ASIC2: variants seen among roughly 807,000 people sequenced by gnomAD.
ASIC2 encodes acid sensing ion channel subunit 2, also known as acid-sensing ion channel 2.
In ASIC2, 25 loss-of-function variants were observed where a neutral mutation model predicts 57.3. The ratio of observed to expected loss-of-function variants is 0.44; its 90% CI spans 0.32 to 0.61. The LOEUF is 0.61. Among genes scored for constraint, ASIC2 ranks in the 20% least tolerant of loss-of-function variants. The pLI, the probability that ASIC2 is intolerant of heterozygous loss-of-function variation, is 0.06. For synonymous variants in ASIC2, 319 were observed against 307.5 expected (o/e 1.04, Z -0.39); for missense variants, 641 against 738.1 (o/e 0.87, Z 1.52).
chr17:33,523,401 C>G (rs1398072637), intron 1 of ASIC2, among the ~76,000 whole-genome samples: 1 of 152,128 alleles, frequency 6.6e-6, no homozygotes, highest in Admixed American at 6.5e-5. Context: ...GAATTACAGG[C>G]ACCTACCACC....
In ASIC2 at chr17:34,156,476, G is replaced by T; in HGVS notation, c.57C>A (p.Ile19=). ...CATGGAGGGTGGAGGTGTTGGCAAA[G>T]ATCTGGATGCTAGAAGGTTGCAGGC... Residue 19 remains isoleucine, a synonymous_variant, in exon 1 of 10, where the codon ATC becomes ATA. Transcript: ENST00000359872. This position sits in a 1 kb window ranked among gnomAD's most constrained non-coding sequence, Gnocchi z 4.4. 6.2e-7 allele frequency: 1 copy of T among 1,613,694 alleles called. No homozygotes were observed. Among genetic ancestry groups the T allele is most frequent in the Non-Finnish European group, 8.5e-7 (1 of 1,179,712 alleles).
intron 1 of ASIC2, among the ~76,000 whole-genome samples, chr17:33,400,101 A>C (rs921217000): frequency 2.0e-5 from 3 of 152,184 alleles, no homozygotes; most frequent in Non-Finnish European, 4.4e-5. Flanking sequence ...GTCTGGGTTA[A>C]AACTGCAAAC....
chr17:33,625,833 A>T (rs1040057916), intron 1 of ASIC2, among the ~76,000 whole-genome samples: 1 of 152,242 alleles, frequency 6.6e-6, no homozygotes, highest in African/African-American at 2.4e-5. Context: ...CAGACGCTTC[A>T]TGAGTATCTT....
chr17:33,815,674 A>G (rs972580701), intron 1 of ASIC2, among the ~76,000 whole-genome samples: 1 of 152,190 alleles, frequency 6.6e-6, no homozygotes, highest in African/African-American at 2.4e-5. Flanking sequence ...TAATGACTGG[A>G]TACCAGCTTA....
At chr17:33,552,082 C>T (rs180968400) in intron 1 of ASIC2, among the ~76,000 whole-genome samples, 118 of 152,336 alleles carry the variant, frequency 7.7e-4, no homozygotes, top group Non-Finnish European at 7.3e-4. Flanking sequence ...CACCGCTTCC[C>T]GGTAGCCTCT....
At chr17:33,809,701 G>A (rs1339651975) in intron 1 of ASIC2, among the ~76,000 whole-genome samples, 2 of 152,168 alleles carry the variant, frequency 1.3e-5, no homozygotes, top group East Asian at 3.9e-4. Context: ...TATAAATGGT[G>A]TGTTTATCTT....
At chr17:33,631,920 A>C (rs1026220181) in intron 1 of ASIC2, among the ~76,000 whole-genome samples, 16 of 152,178 alleles carry the variant, frequency 1.1e-4, no homozygotes, top group Non-Finnish European at 1.9e-4. Flanking sequence ...GTCTCTTCCA[A>C]GTCTGAGATT....
chr17:33,810,874 TACACACAC>T (rs34187408), intron 1 of ASIC2, among the ~76,000 whole-genome samples: 1 of 149,896 alleles, frequency 6.7e-6, no homozygotes, highest in Non-Finnish European at 1.5e-5. Context: ...CACACACACA[TACACACAC>T]ACACACACAC....
chr17:33,495,385 G>A (rs1913895389), intron 1 of ASIC2, among the ~76,000 whole-genome samples: 1 of 152,180 alleles, frequency 6.6e-6, no homozygotes, highest in African/African-American at 2.4e-5. Context: ...CCATGTCCAA[G>A]TGCCATGGCC....
chr17:33,269,556 T>G (rs1417275106), intron 1 of ASIC2, among the ~76,000 whole-genome samples: 2 of 152,238 alleles, frequency 1.3e-5, no homozygotes, highest in South Asian at 4.1e-4. Context: ...GCCAGCTGTG[T>G]ATTGAACACC....
intron 6 of ASIC2, among the ~76,000 whole-genome samples, chr17:33,022,819 TA>T (rs755183585): frequency 6.6e-6 from 1 of 152,184 alleles, no homozygotes; most frequent in Non-Finnish European, 1.5e-5. Context: ...ACAACATGAA[TA>T]TGTAATTACA....
At chr17:33,959,213 T>C (rs1242156238) in intron 1 of ASIC2, among the ~76,000 whole-genome samples, 1 of 152,210 alleles carries the variant, frequency 6.6e-6, no homozygotes, top group Non-Finnish European at 1.5e-5. Context: ...TCCCACATTT[T>C]CCTATCTTCT....
chr17:33,149,458 G>C (rs1329641316), intron 1 of ASIC2, among the ~76,000 whole-genome samples: 1 of 152,146 alleles, frequency 6.6e-6, no homozygotes, highest in South Asian at 2.1e-4. Context: ...CATAATGTTT[G>C]AGTGAAGTTG....
intron 1 of ASIC2, among the ~76,000 whole-genome samples, chr17:33,496,775 G>A (rs1448355789): frequency 3.3e-5 from 5 of 151,832 alleles, no homozygotes; most frequent in African/African-American, 1.2e-4. Flanking sequence ...GCACCACCAT[G>A]CCCAGCTAAT....
At position 33,633,244 on chromosome 17, in the gene ASIC2, C is replaced by T. The variant is rs551965673; in HGVS notation, c.556-521177G>A. On this transcript the variant is annotated intron_variant, in intron 1 of 9. Transcript: ENST00000359872. ...CTTGCCACAGCGCTCCTGACCTGTG[C>T]GAGGGTCCAAAAAGGCTCTTGTGTG... Among the ~76,000 whole-genome samples the T allele has an allele frequency of 3.9e-5, 6 of 152,238 alleles. No individual in the cohort carries two copies. The East Asian group carries it at 5.8e-4, about 15-fold the overall frequency.
intron 1 of ASIC2, among the ~76,000 whole-genome samples, chr17:33,979,137 G>C (rs879861758): frequency 2.6e-5 from 4 of 152,122 alleles, no homozygotes; most frequent in Admixed American, 2.0e-4. Context: ...TGGGCAGTGA[G>C]TTGCATGAAG....
chr17:33,068,149 G>T (rs223037), intron 3 of ASIC2, among the ~76,000 whole-genome samples: 1 of 151,910 alleles, frequency 6.6e-6, no homozygotes, highest in African/African-American at 2.4e-5. Flanking sequence ...GACCTGGGGG[G>T]GTGGAAGGGT....
intron 1 of ASIC2, among the ~76,000 whole-genome samples, chr17:33,670,485 A>C (rs1458990928): frequency 6.6e-6 from 1 of 152,222 alleles, no homozygotes; most frequent in Non-Finnish European, 1.5e-5. Context: ...AACAAAAATG[A>C]AACATGGCTA....
At chr17:33,459,075 C>T (rs564441935) in intron 1 of ASIC2, among the ~76,000 whole-genome samples, 3 of 151,792 alleles carry the variant, frequency 2.0e-5, no homozygotes, top group Non-Finnish European at 2.9e-5. Context: ...GCATTACCTT[C>T]GTTTTTTTGT....
Sources: allele counts gnomAD v4.1 joint callset (sites outside exome capture counted in the v4.1 genomes callset), GRCh38; gene constraint gnomAD v4.1.1; non-coding constraint Gnocchi (gnomAD v3.1); transcripts MANE v1.5; gene names NCBI Gene and HGNC (gene_info 2026-07-23, HGNC 2026-07-21).